ARMC6: variants seen among roughly 807,000 people sequenced by gnomAD.
The protein encoded by ARMC6 is armadillo repeat-containing protein 6.
Under a neutral mutation model 49.2 loss-of-function variants are expected in ARMC6, and 43 were observed. That is an observed-to-expected ratio of 0.87 (90% confidence interval 0.69 to 1.13). ARMC6 has a LOEUF of 1.13. Ranked by LOEUF, ARMC6 falls within the 50% of genes most tolerant of loss-of-function variation. ARMC6 has a pLI of 0.00. For missense variants in ARMC6, 627 were observed against 682.0 expected, an observed-to-expected ratio of 0.92 and a Z score of 0.90; for synonymous variants, 262 against 289.6, an observed-to-expected ratio of 0.90 and a Z score of 0.97.
intron 2 of ARMC6, among the ~76,000 whole-genome samples, chr19:19,041,655 A>G (rs2059412657): frequency 6.6e-6 from 1 of 152,064 alleles, no homozygotes; most frequent in African/African-American, 2.4e-5. Flanking sequence ...AGCGAATTGT[A>G]TTTAATATAG....
chr19:19,035,996 A>G (rs1175591827), intron 2 of ARMC6, among the ~76,000 whole-genome samples: 1 of 152,184 alleles, frequency 6.6e-6, no homozygotes, highest in Non-Finnish European at 1.5e-5. Flanking sequence ...TATGGGGTAC[A>G]GGGCAGGTAG....
chr19:19,053,117 A>G (rs1344982194), intron 5 of ARMC6, among the ~76,000 whole-genome samples: 1 of 152,194 alleles, frequency 6.6e-6, no homozygotes, highest in African/African-American at 2.4e-5. Context: ...TTTCGGGGAA[A>G]CACCTCAGTT....
rs563457917 is a variant in ARMC6 at position 19,054,044 on chromosome 19, A to G, written c.854-108A>G. 2.2e-4 allele frequency: 261 copies of G among 1,208,890 alleles called. 3 individuals carry two copies. The South Asian group carries it at 3.7e-3, about 17-fold the overall frequency. 74.9% of individuals were successfully genotyped at this position (1,208,890 alleles called of 1,614,324 possible). On this transcript the variant is annotated intron_variant, in intron 5 of 8. Coordinates refer to ENST00000535612, the MANE Select transcript of ARMC6 (RefSeq NM_001199196.2). ...CTTCCTGGTGCCCGTGGCCACTCCAATAGGCAGAAGGGCTGGACTCTTCCA... is the reference window on the plus strand; with the variant it reads ...CTTCCTGGTGCCCGTGGCCACTCCAGTAGGCAGAAGGGCTGGACTCTTCCA...
intron 3 of ARMC6, among the ~76,000 whole-genome samples, 161 bp from the exon 4 acceptor site, chr19:19,043,831 C>T (rs937189215): frequency 6.6e-6 from 1 of 152,138 alleles, no homozygotes; most frequent in South Asian, 2.1e-4. Context: ...TCTACACCCC[C>T]GTGATGATGT....
intron 6 of ARMC6, among the ~76,000 whole-genome samples, chr19:19,054,725 C>T (rs377029491): frequency 1.1e-4 from 16 of 152,182 alleles, no homozygotes; most frequent in East Asian, 3.8e-4. Context: ...GCCTCCCTAT[C>T]CAGCTGCAGC....
At chr19:19,046,587 C>T (rs1416035021) in intron 4 of ARMC6, among the ~76,000 whole-genome samples, 1 of 152,096 alleles carries the variant, frequency 6.6e-6, no homozygotes, top group Non-Finnish European at 1.5e-5. Flanking sequence ...TTCCTTCTCC[C>T]AGGTTCATGC....
In ARMC6 at chr19:19,054,198, G is replaced by A. The variant is rs199499546; in HGVS notation, c.900G>A (p.Leu300=). The A allele has an allele frequency of 6.2e-7, 1 of 1,610,910 alleles. No individual in the cohort carries two copies. Among genetic ancestry groups the A allele is most frequent in the Non-Finnish European group, 8.5e-7 (1 of 1,178,630 alleles). The change falls in exon 6 of 9, where the codon CTG becomes CTA. Residue 300 remains leucine, a synonymous_variant. Coordinates refer to ENST00000535612, the MANE Select transcript of ARMC6 (RefSeq NM_001199196.2). ...PGILSELCGT[L]SRLAIRNEFC... Reference sequence around the variant, plus strand: ...TCCTGAGCGAGCTCTGTGGAACCCTGTCCCGCCTGGCCATTCGCAACGAGT... The same window carrying A: ...TCCTGAGCGAGCTCTGTGGAACCCTATCCCGCCTGGCCATTCGCAACGAGT...
In ARMC6 at chr19:19,051,608, C is replaced by T; in HGVS notation, c.280-14C>T. On this transcript the variant is annotated splice_polypyrimidine_tract_variant and intron_variant, in intron 4 of 8. Transcript: ENST00000535612. ...TGCCTGAGCTGATGCTGAGGTTTCT[C>T]CCATGTCTCCCAGATGCTCAGTGAC... 2 of 1,573,988 alleles carry T rather than the reference C, an allele frequency of 1.3e-6. No homozygotes were observed. Among genetic ancestry groups the T allele is most frequent in the Non-Finnish European group, 1.7e-6 (2 of 1,159,156 alleles).
rs749287090 is a variant in ARMC6 at position 19,042,770 on chromosome 19, G to T, written c.89G>T (p.Arg30Leu). The T allele has an allele frequency of 2.5e-6, 4 of 1,613,914 alleles. No homozygotes were observed. Among genetic ancestry groups the T allele is most frequent in the East Asian group, 2.2e-5 (1 of 44,886 alleles). Reference protein sequence around the residue: ...TSTQAKMVSKRIAQETFDAAV... With the variant: ...TSTQAKMVSKLIAQETFDAAV... Reference sequence around the variant, plus strand: ...ACACAGGCGAAGATGGTCTCCAAGCGCATTGCCCAGGAGACCTTTGATGCA... The same window carrying T: ...ACACAGGCGAAGATGGTCTCCAAGCTCATTGCCCAGGAGACCTTTGATGCA... Residue 30 changes from arginine to leucine, a missense_variant, in exon 3 of 9, where the codon CGC becomes CTC. By Grantham distance (102) the Arg-to-Leu change is moderately radical. Transcript: ENST00000535612.
In ARMC6 at chr19:19,055,741, TG is replaced by T. The variant is rs1371845037; in HGVS notation, c.1156-44del. 1 of 1,521,890 alleles carries T rather than the reference TG, an allele frequency of 6.6e-7. No individual in the cohort carries two copies. The highest frequency in any genetic ancestry group is 8.9e-7 in the Non-Finnish European group (1 of 1,126,382). The allele number at this position is 1,521,890 out of a possible 1,614,324, so 94.3% of individuals were successfully genotyped here. A position where few individuals can be genotyped will look rare whatever the true frequency, so the allele number is the denominator to read the frequency against. On this transcript the variant is annotated intron_variant, in intron 7 of 8. Coordinates refer to ENST00000535612, the MANE Select transcript of ARMC6 (RefSeq NM_001199196.2). This position sits in a 1 kb window ranked among gnomAD's most constrained non-coding sequence, Gnocchi z 5.7. ...GGTTGGTGGCCATGGCAGGATGTTGTGGGGGGTCTATCTGCTGCATCTCAGC... is the reference window on the plus strand; with the variant it reads ...GGTTGGTGGCCATGGCAGGATGTTGTGGGGGTCTATCTGCTGCATCTCAGC...
intron 2 of ARMC6, among the ~76,000 whole-genome samples, 200 bp downstream of exon 2, chr19:19,034,438 G>T (rs1458617698): frequency 6.6e-6 from 1 of 152,162 alleles, no homozygotes; most frequent in African/African-American, 2.4e-5. Context: ...GCCACTACCG[G>T]GCTTTGAGCA....
At chr19:19,037,724 A>G in intron 2 of ARMC6, 4 of 1,124,378 alleles carry the variant, frequency 3.6e-6, no homozygotes, top group Middle Eastern at 5.0e-4. Context: ...ATATTGAAAC[A>G]ATTAAAATTT....
At chr19:19,036,933 C>T (rs1182615806) in intron 2 of ARMC6, among the ~76,000 whole-genome samples, 1 of 152,174 alleles carries the variant, frequency 6.6e-6, no homozygotes, top group Non-Finnish European at 1.5e-5. Context: ...TGCCTGTAAT[C>T]CCAGCATGAT....
intron 2 of ARMC6, among the ~76,000 whole-genome samples, chr19:19,035,741 CG>C (rs2059360045): frequency 6.8e-6 from 1 of 147,574 alleles, no homozygotes; most frequent in African/African-American, 2.5e-5. Context: ...ACTGAGAATC[CG>C]AAGTATTTGA....
rs534739493 is a variant in ARMC6 at position 19,043,853 on chromosome 19, G to C, written c.197-139G>C. 10 of 709,812 alleles carry C rather than the reference G, an allele frequency of 1.4e-5. No homozygotes were observed. In the African/African-American group the frequency reaches 1.6e-4, roughly 11 times the overall value. 44.0% of individuals were successfully genotyped at this position (709,812 alleles called of 1,614,324 possible). On this transcript the variant is annotated intron_variant, in intron 3 of 8. Transcript: ENST00000535612. The stretch of plus-strand genomic sequence containing the variant: ...CCCCGTGATGATGTGGCATGGGCGG[G>C]AATAGGGAGGTGGGAGGCTTCTGGA...
At chr19:19,052,973 G>C (rs2059511623) in intron 5 of ARMC6, among the ~76,000 whole-genome samples, 1 of 152,156 alleles carries the variant, frequency 6.6e-6, no homozygotes, top group Admixed American at 6.5e-5. Context: ...ATTTATAGGA[G>C]CTCCAATCAG....
chr19:19,052,531 C>T (rs2059508313), intron 5 of ARMC6, among the ~76,000 whole-genome samples: 1 of 152,148 alleles, frequency 6.6e-6, no homozygotes, highest in African/African-American at 2.4e-5. Context: ...CTCGGGGGGG[C>T]TGGCTGGCAT....
At chr19:19,040,252 T>C (rs1004735021) in intron 2 of ARMC6, among the ~76,000 whole-genome samples, 2 of 152,192 alleles carry the variant, frequency 1.3e-5, no homozygotes, top group Non-Finnish European at 2.9e-5. Flanking sequence ...AGTTCCTGTC[T>C]ACCCCTTGTT....
At chr19:19,050,996 T>A (rs942846478) in intron 4 of ARMC6, among the ~76,000 whole-genome samples, 8 of 152,314 alleles carry the variant, frequency 5.3e-5, no homozygotes, top group Middle Eastern at 3.4e-3. Context: ...TGGCTTAGAG[T>A]TGAATTTGGA....
Sources: allele counts gnomAD v4.1 joint callset (sites outside exome capture counted in the v4.1 genomes callset), GRCh38; gene constraint gnomAD v4.1.1; non-coding constraint Gnocchi (gnomAD v3.1); transcripts MANE v1.5; gene names NCBI Gene and HGNC (gene_info 2026-07-23, HGNC 2026-07-21).